FAM222B: variants seen among roughly 807,000 people sequenced by gnomAD.
The protein encoded by FAM222B is family with sequence similarity 222 member B, also known as protein FAM222B.
In FAM222B, 12 loss-of-function variants were observed where a neutral mutation model predicts 38.0. The observed-to-expected ratio is 0.32, with a 90% CI of 0.20 to 0.51. The LOEUF is 0.51. Ranked by LOEUF, FAM222B falls within the 20% of genes least tolerant of loss-of-function variation. The pLI is 0.97. For missense variants in FAM222B, 716 were observed against 754.2 expected (o/e 0.95, Z 0.59); for synonymous variants, 329 against 317.2 (o/e 1.04, Z -0.40).
intron 1 of FAM222B, among the ~76,000 whole-genome samples, chr17:28,791,497 T>C (rs961864902): frequency 2.0e-5 from 3 of 152,016 alleles, no homozygotes; most frequent in African/African-American, 7.2e-5. Context: ...CTGGGAATGC[T>C]TCCACTGTGA....
Position 28,759,050 on chromosome 17 carries a change from G to A in FAM222B, c.909C>T (p.Leu303=), listed in dbSNP as rs766200026. The change falls in exon 3 of 3, where the codon CTC becomes CTT. Residue 303 remains leucine, a synonymous_variant. Coordinates refer to ENST00000581407, the MANE Select transcript of FAM222B (RefSeq NM_001077498.3). This position sits in a 1 kb window ranked among gnomAD's most constrained non-coding sequence, Gnocchi z 4.8. ...ANPSPISRSL[L]INASTRVSTH... is the part of the protein sequence containing the mutation. ...TCGACACCCGGGTGCTTGCATTGAT[G>A]AGCAGACTGCGACTAATGGGGCTGG... 3 of 1,612,632 alleles carry A rather than the reference G, an allele frequency of 1.9e-6. No individual in the cohort carries two copies. Among genetic ancestry groups the A allele is most frequent in the Admixed American group, 1.7e-5 (1 of 59,716 alleles).
chr17:28,815,407 G>T (rs1328567149), intron 1 of FAM222B, among the ~76,000 whole-genome samples: 3 of 151,804 alleles, frequency 2.0e-5, no homozygotes, highest in African/African-American at 7.3e-5. Context: ...GTAGAGACGG[G>T]GTTTCACCGT....
intron 1 of FAM222B, among the ~76,000 whole-genome samples, chr17:28,780,072 A>G (rs2036099687): frequency 6.6e-6 from 1 of 151,764 alleles, no homozygotes; most frequent in Non-Finnish European, 1.5e-5. Context: ...CCGGGGTTCA[A>G]GCGATTCTCC....
chr17:28,816,874 A>T (rs17721128), intron 1 of FAM222B, among the ~76,000 whole-genome samples: 1 of 152,134 alleles, frequency 6.6e-6, no homozygotes. Flanking sequence ...CAAAGTAGCA[A>T]GGTGTAACAG....
rs535808211 is a variant in FAM222B, at chr17:28,778,662, CCTAG to C, written c.-40-11959_-40-11956del. Among the ~76,000 whole-genome samples the C allele has an allele frequency of 3.4e-4, 40 of 118,412 alleles. No individual in the cohort carries two copies. In the South Asian group the frequency reaches 9.6e-3, roughly 29 times the overall value. 77.7% of individuals were successfully genotyped at this position (118,412 alleles called of 152,430 possible). A position where few individuals can be genotyped will look rare whatever the true frequency, so the allele number is the denominator to read the frequency against. The stretch of plus-strand genomic sequence containing the variant: ...GGGACTACAGGCGCATGTCATCATG[CCTAG>C]CTAATTTTTTTTTTGTGTGTGTGTG... On this transcript the variant is annotated intron_variant, in intron 1 of 2. Transcript: ENST00000581407.
At chr17:28,813,117 T>A (rs1320161011) in intron 1 of FAM222B, among the ~76,000 whole-genome samples, 1 of 61,668 alleles carries the variant, frequency 1.6e-5, no homozygotes. Context: ...ATACATGAAA[T>A]CATCAGACAC....
chr17:28,851,535 A>G (rs184635520), intron 1 of FAM222B, among the ~76,000 whole-genome samples: 1 of 151,694 alleles, frequency 6.6e-6, no homozygotes, highest in Non-Finnish European at 1.5e-5. Flanking sequence ...CAAACAAACA[A>G]ACAAAAGACC....
rs1290420735 is a variant in FAM222B, at chr17:28,758,846, G to A, written c.1113C>T (p.Ala371=). The change falls in exon 3 of 3, where the codon GCC becomes GCT. Residue 371 remains alanine, a synonymous_variant. Transcript: ENST00000581407. ...CCTCGCTGCACATCTGCTGTAGGTG[G>A]GCCAGCTGGTGCTGGTTCCAGGTGA... ...KPVTWNQHQL[A]HLQQMCSEAS... The A allele has an allele frequency of 6.2e-7, 1 of 1,603,536 alleles. No individual in the cohort carries two copies. The highest frequency in any genetic ancestry group is 8.5e-7 in the Non-Finnish European group (1 of 1,175,728).
chr17:28,849,513 ACT>A (rs1164525327), intron 1 of FAM222B: 1 of 151,464 alleles, frequency 6.6e-6, no homozygotes, highest in African/African-American at 2.4e-5. Flanking sequence ...CCCCCCTTCT[ACT>A]CTCTCACCCT....
At chr17:28,816,913 TTC>T (rs1296290152) in intron 1 of FAM222B, among the ~76,000 whole-genome samples, 1 of 152,128 alleles carries the variant, frequency 6.6e-6, no homozygotes, top group African/African-American at 2.4e-5. Flanking sequence ...TGGCTGCACT[TTC>T]TGTTTCAGAC....
In FAM222B at chr17:28,759,649, T is replaced by C. The variant is rs767066688; in HGVS notation, c.310A>G (p.Ile104Val). ...ATGCTTTTGGCTGGCACTTTGACAATGGCAAGCAGGCCTGCCTTGGTGGCA... is the reference window on the plus strand; with the variant it reads ...ATGCTTTTGGCTGGCACTTTGACAACGGCAAGCAGGCCTGCCTTGGTGGCA... ...QAATKAGLLAIVKVPAKSILK... is the reference protein window; with the variant it reads ...QAATKAGLLAVVKVPAKSILK... Residue 104 changes from isoleucine (I) to valine (V), a missense_variant, in exon 3 of 3, where the codon ATT becomes GTT. By Grantham distance (29) the Ile-to-Val change is conservative. Transcript: ENST00000581407. This position sits in a 1 kb window ranked among gnomAD's most constrained non-coding sequence, Gnocchi z 4.8. 2.5e-6 allele frequency: 4 copies of C among 1,613,090 alleles called. No homozygotes were observed. The highest frequency in any genetic ancestry group is 1.6e-4 in the Middle Eastern group (1 of 6,084).
chr17:28,806,997 T>G, intron 1 of FAM222B, among the ~76,000 whole-genome samples: 1 of 152,026 alleles, frequency 6.6e-6, no homozygotes, highest in South Asian at 2.1e-4. Context: ...TATCCAAAAG[T>G]AAGACTATTT....
chr17:28,784,929 T>C (rs1027250442), intron 1 of FAM222B, among the ~76,000 whole-genome samples: 2 of 151,696 alleles, frequency 1.3e-5, no homozygotes, highest in African/African-American at 2.4e-5. Flanking sequence ...TTTTTTTTTT[T>C]CCTTTATGTA....
At chr17:28,789,858 T>G (rs1173865390) in intron 1 of FAM222B, among the ~76,000 whole-genome samples, 1 of 152,204 alleles carries the variant, frequency 6.6e-6, no homozygotes, top group Non-Finnish European at 1.5e-5. Flanking sequence ...GCTTAGTTGG[T>G]GAGGGAAACC....
chr17:28,830,142 C>T (rs1344298126), intron 1 of FAM222B, among the ~76,000 whole-genome samples: 1 of 148,524 alleles, frequency 6.7e-6, no homozygotes, highest in African/African-American at 2.5e-5. Context: ...AGCCACTTCG[C>T]CCAGCCTCTT....
chr17:28,778,063 G>T (rs558111294), intron 1 of FAM222B, among the ~76,000 whole-genome samples: 39 of 142,852 alleles, frequency 2.7e-4, no homozygotes, highest in African/African-American at 1.0e-3. Flanking sequence ...GTATTGAAAA[G>T]TATTATTTGG....
chr17:28,822,315 G>A (rs948848749), intron 1 of FAM222B, among the ~76,000 whole-genome samples: 144 of 146,596 alleles, frequency 9.8e-4, no homozygotes, highest in Admixed American at 1.6e-3. Context: ...CACCACGCCC[G>A]GCCTAAAAGT....
At chr17:28,806,087 C>T (rs1230650957) in intron 1 of FAM222B, among the ~76,000 whole-genome samples, 2 of 151,280 alleles carry the variant, frequency 1.3e-5, no homozygotes, top group Non-Finnish European at 1.5e-5. Flanking sequence ...GGGAGGTGGA[C>T]ATTGCAGTGA....
At chr17:28,838,764 A>T (rs2038936547) in intron 1 of FAM222B, among the ~76,000 whole-genome samples, 2 of 150,066 alleles carry the variant, frequency 1.3e-5, no homozygotes, top group Non-Finnish European at 1.5e-5. Context: ...AAAATCAGCC[A>T]GGTATGGTGG....
Sources: gnomAD v4.1 joint callset for allele counts (sites outside exome capture counted in the v4.1 genomes callset) on GRCh38, gnomAD v4.1.1 for gene constraint, Gnocchi (gnomAD v3.1) non-coding constraint, MANE v1.5 for transcripts, NCBI Gene and HGNC (gene_info 2026-07-23, HGNC 2026-07-21) for gene names.